Variants in LRP2 observed in about 807,000 individuals in gnomAD.
The protein encoded by LRP2 is low-density lipoprotein receptor-related protein 2.
LRP2 carries 172 observed loss-of-function variants against 531.0 expected under a neutral mutation model. That is an observed-to-expected ratio of 0.32 (90% CI 0.29 to 0.37). LRP2 has a LOEUF of 0.37. LRP2 is among the 10% of genes least tolerant of loss of function. The probability of loss-of-function intolerance (pLI) is 1.00; values close to 1 mark genes in which losing one functional copy is unlikely to be tolerated. For synonymous variants in LRP2, 1,992 were observed against 2,027.6 expected, an observed-to-expected ratio of 0.98 and a Z score of 0.47; for missense variants, 5,167 against 5,868.3, an observed-to-expected ratio of 0.88 and a Z score of 3.90.
chr2:169,314,861 A>G (rs891804579), intron 3 of LRP2, among the ~76,000 whole-genome samples: 1 of 152,234 alleles, frequency 6.6e-6, no homozygotes, highest in African/African-American at 2.4e-5. Context: ...TAAATTTCCA[A>G]ATAATTTATT....
intron 16 of LRP2, among the ~76,000 whole-genome samples, chr2:169,260,044 T>C (rs1207414312): frequency 2.0e-5 from 3 of 152,108 alleles, no homozygotes; most frequent in Admixed American, 6.6e-5. Flanking sequence ...CTGGACCAAG[T>C]ATTCTACATG....
chr2:169,342,967 T>C lies in LRP2; in HGVS notation c.79+19354A>G, dbSNP rs1173744819. On this transcript the variant is annotated intron_variant, in intron 1 of 78. Transcript: ENST00000649046. The stretch of plus-strand genomic sequence containing the variant: ...AAAACTCTTCATTGACTGTGATTCT[T>C]ACATGCTCTGTCTAAAACCTCTCAC... 2.0e-5 allele frequency among the ~76,000 whole-genome samples: 3 copies of C among 152,208 alleles called. No homozygotes were observed. The East Asian group carries it at 5.8e-4, about 29-fold the overall frequency.
chr2:169,335,394 T>A (rs375453969), intron 1 of LRP2, among the ~76,000 whole-genome samples: 2 of 152,228 alleles, frequency 1.3e-5, no homozygotes, highest in Non-Finnish European at 1.5e-5. Flanking sequence ...AACTTGGACA[T>A]CGTTATCTTT....
intron 50 of LRP2, 73 bp from the exon 51 acceptor site, chr2:169,182,392 C>T: frequency 6.3e-7 from 1 of 1,599,288 alleles, no homozygotes; most frequent in African/African-American, 1.3e-5. Context: ...ACCCAGTTTC[C>T]TACCCAAGCT....
chr2:169,157,275 G>C, intron 64 of LRP2, 96 bp downstream of exon 64: 2 of 1,273,516 alleles, frequency 1.6e-6, no homozygotes, highest in Non-Finnish European at 2.2e-6. Flanking sequence ...GTACCATTAA[G>C]GGAATTAAAT....
intron 25 of LRP2, 116 bp downstream of exon 25, chr2:169,240,870 CAT>C (rs1228314699): frequency 1.7e-6 from 2 of 1,209,810 alleles, no homozygotes; most frequent in Non-Finnish European, 2.4e-6. Flanking sequence ...GATGTGAACT[CAT>C]AGAGGAACTG....
At chr2:169,246,591 A>T (rs1181892953) in intron 21 of LRP2, 114 bp downstream of exon 21, 1 of 1,283,740 alleles carries the variant, frequency 7.8e-7, no homozygotes. Context: ...TAAGAATCTG[A>T]AATTCTAAAA....
At chr2:169,169,512 C>T (rs1283616641) in intron 60 of LRP2, among the ~76,000 whole-genome samples, 190 bp downstream of exon 60, 1 of 152,156 alleles carries the variant, frequency 6.6e-6, no homozygotes, top group Non-Finnish European at 1.5e-5. Flanking sequence ...CAAGGAAGTA[C>T]ACTTGAACGG....
Position 169,206,671 on chromosome 2 carries a change from T to C in LRP2, c.7049A>G (p.Asn2350Ser), listed in dbSNP as rs565025154. Residue 2350 changes from asparagine (N) to serine (S), a missense_variant, in exon 39 of 79, where the codon AAT (asparagine) becomes AGT (serine). Asn to Ser is a conservative substitution (Grantham distance 46). Around this residue, in one of 6 missense-constraint regions of LRP2, gnomAD observed 2,811 missense variants for 3,058.0 expected, o/e 0.92. Transcript: ENST00000649046. ...EVNNNPCLEN[N>S]GGCSHLCFAL... Reference sequence around the variant, plus strand: ...AAAGCAGAGATGAGAGCACCCACCATTGTTTTCCAAGCAAGGGTTGTTGTT... The same window carrying C: ...AAAGCAGAGATGAGAGCACCCACCACTGTTTTCCAAGCAAGGGTTGTTGTT... 55 of 1,614,144 alleles carry C rather than the reference T, an allele frequency of 3.4e-5. 1 individual carries two copies. In the South Asian group the frequency reaches 5.1e-4, roughly 15 times the overall value.
intron 1 of LRP2, among the ~76,000 whole-genome samples, chr2:169,338,335 A>AAAGAAAGAAG (rs1685464429): frequency 9.0e-5 from 12 of 133,930 alleles, no homozygotes. Context: ...AGAGAGACAG[A>AAAGAAAGAAG]GAAAGAAAGA....
intron 38 of LRP2, among the ~76,000 whole-genome samples, chr2:169,208,677 A>G (rs7563506): frequency 1 from 152,056 of 152,082 alleles, 76,015 homozygotes; most frequent in Middle Eastern, 1. Context: ...GGCTGGTCTC[A>G]AACTCTTGAC....
intron 31 of LRP2, among the ~76,000 whole-genome samples, chr2:169,230,386 T>A (rs73035784): frequency 1.3e-5 from 2 of 152,256 alleles, no homozygotes; most frequent in African/African-American, 4.8e-5. Flanking sequence ...CATGAAAGTA[T>A]CATTGCACAA....
intron 41 of LRP2, among the ~76,000 whole-genome samples, chr2:169,205,163 T>C (rs1407076214): frequency 6.6e-6 from 1 of 152,106 alleles, no homozygotes; most frequent in African/African-American, 2.4e-5. Flanking sequence ...GCCTGCAGAA[T>C]GTAAGTTGAG....
intron 19 of LRP2, among the ~76,000 whole-genome samples, chr2:169,254,885 G>T (rs1690240856): frequency 1.3e-5 from 2 of 152,018 alleles, no homozygotes; most frequent in Admixed American, 6.6e-5. Context: ...TGAAAAGGGA[G>T]TAAATGGATG....
chr2:169,187,969 C>T lies in LRP2; in HGVS notation c.9328+1G>A. The T allele has an allele frequency of 6.2e-7, 1 of 1,614,072 alleles. No individual in the cohort carries two copies. Among genetic ancestry groups the T allele is most frequent in the Non-Finnish European group, 8.5e-7 (1 of 1,179,970 alleles). On this transcript the variant is annotated splice_donor_variant, in intron 49 of 78. Coordinates refer to ENST00000649046, the MANE Select transcript of LRP2 (RefSeq NM_004525.3). LOFTEE classifies it high-confidence loss of function. Reference sequence around the variant, plus strand: ...TTTCCCAAATCCTCTGTTGTACTCACCACAGCCTTTCTCATCGCTGTTGTC... The same window carrying T: ...TTTCCCAAATCCTCTGTTGTACTCATCACAGCCTTTCTCATCGCTGTTGTC...
intron 1 of LRP2, among the ~76,000 whole-genome samples, chr2:169,349,318 C>A (rs755036327): frequency 6.6e-5 from 10 of 152,032 alleles, no homozygotes; most frequent in Non-Finnish European, 1.3e-4. Context: ...AGTCATGCAC[C>A]ATCTGAGGCA....
intron 1 of LRP2, 44 bp from the exon 2 acceptor site, chr2:169,320,928 T>C (rs762389658): frequency 1.2e-5 from 16 of 1,299,810 alleles, no homozygotes; most frequent in Non-Finnish European, 1.7e-5. Flanking sequence ...GCCATGCAGA[T>C]ATTTAACCGA....
At position 169,206,314 on chromosome 2, in the gene LRP2, C is replaced by T; in HGVS notation, c.7390+16G>A. ...GTGTCTACTTGCAGGACAAGCAGCACCTGGAGTGCACTTACCTGAAGCAAT... is the reference window on the plus strand; with the variant it reads ...GTGTCTACTTGCAGGACAAGCAGCATCTGGAGTGCACTTACCTGAAGCAAT... On this transcript the variant is annotated intron_variant, in intron 39 of 78. Transcript: ENST00000649046. 1 of 1,613,692 alleles carries T rather than the reference C, an allele frequency of 6.2e-7. No homozygotes were observed. Among genetic ancestry groups the T allele is most frequent in the African/African-American group, 1.3e-5 (1 of 75,014 alleles).
chr2:169,304,973 CA>C (rs1684377294), intron 4 of LRP2, among the ~76,000 whole-genome samples: 1 of 152,098 alleles, frequency 6.6e-6, no homozygotes, highest in Admixed American at 6.6e-5. Flanking sequence ...AATAGAAAAC[CA>C]AACGCCACAT....
Sources: allele counts gnomAD v4.1 joint callset (sites outside exome capture counted in the v4.1 genomes callset), GRCh38; gene constraint gnomAD v4.1.1; regional missense constraint gnomAD v4.1.1; transcripts MANE v1.5; gene names NCBI Gene and HGNC (gene_info 2026-07-23, HGNC 2026-07-21).